Variants in IQANK1 observed in about 807,000 individuals in gnomAD.
IQANK1 encodes the protein IQ motif and ankyrin repeat containing 1.
A neutral mutation model predicts 22.6 loss-of-function variants in IQANK1; 30 were observed. The ratio of observed to expected loss-of-function variants is 1.33; its 90% CI spans 0.99 to 1.80. The LOEUF is 1.80. Ranked by LOEUF, IQANK1 falls within the 40% of genes most tolerant of loss-of-function variation. The probability of loss-of-function intolerance (pLI) is 0.00; values close to 1 mark genes in which losing one functional copy is unlikely to be tolerated. For synonymous variants in IQANK1, 122 were observed against 99.6 expected (o/e 1.23, Z -1.34); for missense variants, 275 against 235.2 (o/e 1.17, Z -1.11).
At chr8:143,739,819 G>T (rs1563766772) in intron 2 of IQANK1, 40 bp from the exon 3 acceptor site, 1 of 678,452 alleles carries the variant, frequency 1.5e-6, no homozygotes, top group Non-Finnish European at 2.7e-6. Context: ...GGGGATGGGG[G>T]TCTCTCATCC....
intron 3 of IQANK1, among the ~76,000 whole-genome samples, chr8:143,749,274 T>A (rs1328604255): frequency 1.6e-5 from 2 of 123,410 alleles, no homozygotes; most frequent in Non-Finnish European, 1.6e-5. Context: ...AATGTATATA[T>A]AAATATATAT....
rs148874861 is a variant in IQANK1 at position 143,739,564 on chromosome 8, CCTT to C, written c.86-292_86-290del. 2.8e-3 allele frequency: 954 copies of C among 335,332 alleles called. 9 individuals are homozygous for C. The highest frequency in any genetic ancestry group is 0.019 in the African/African-American group (894 of 47,076). The allele number at this position is 335,332 out of a possible 1,614,324, so 20.8% of individuals were successfully genotyped here. On this transcript the variant is annotated intron_variant, in intron 2 of 13. Transcript: ENST00000527139. Reference sequence around the variant, plus strand: ...AGGCGGCACTGCCAGCCCACAGGGTCCTTCTAGCAGAGGCACCACCTGCCCATC... The same window carrying C: ...AGGCGGCACTGCCAGCCCACAGGGTCCTAGCAGAGGCACCACCTGCCCATC...
rs1454220394 is a variant in IQANK1 at position 143,788,927 on chromosome 8, GAC to G, written c.806_807del (p.Thr269SerfsTer23). Reference protein sequence around the residue: ...GSTPERVASLDTVVSVLRSWD... With the variant: ...GSTPERVASLXTVVSVLRSWD... ...CGTCTGTCACTAGGTGGCCTCACTG[GAC>G]ACAGTGGTGAGCGTGCTGCGCTCGT... On this transcript the variant is annotated frameshift_variant, in exon 8 of 14. Coordinates refer to ENST00000527139, the MANE Select transcript of IQANK1 (RefSeq NM_001381874.1). LOFTEE classifies it high-confidence loss of function. 1.3e-5 allele frequency: 5 copies of G among 399,026 alleles called. No individual in the cohort carries two copies. The highest frequency in any genetic ancestry group is 6.2e-5 in the African/African-American group (3 of 48,644). 24.7% of individuals were successfully genotyped at this position (399,026 alleles called of 1,614,324 possible).
intron 3 of IQANK1, among the ~76,000 whole-genome samples, chr8:143,749,931 T>C (rs1435015752): frequency 6.6e-6 from 1 of 151,944 alleles, no homozygotes; most frequent in Non-Finnish European, 1.5e-5. Context: ...ATTCTTGCTA[T>C]ATTGAACTTT....
chr8:143,744,994 G>A (rs1226620639), intron 3 of IQANK1: 2 of 151,978 alleles, frequency 1.3e-5, no homozygotes, highest in African/African-American at 2.4e-5. Flanking sequence ...CCATGTTCCC[G>A]TCCTCGAAAA....
At chr8:143,734,756 C>A (rs1454621509) in intron 1 of IQANK1, among the ~76,000 whole-genome samples, 1 of 152,036 alleles carries the variant, frequency 6.6e-6, no homozygotes, top group African/African-American at 2.4e-5. Flanking sequence ...TGTGTACACA[C>A]AGGGACTCTG....
At chr8:143,755,392 T>G (rs1435163434) in intron 3 of IQANK1, among the ~76,000 whole-genome samples, 2 of 151,978 alleles carry the variant, frequency 1.3e-5, no homozygotes, top group Non-Finnish European at 2.9e-5. Flanking sequence ...TAAGACGGAG[T>G]CTTGCTCTGT....
rs1282307142 is a variant in IQANK1 at position 143,771,947 on chromosome 8, C to A, written c.453C>A (p.Ile151=). Reference sequence around the variant, plus strand: ...CCTTCGACGGGGACGTGGGCGAGATCCGGGCGGTGCTGAAGGAGGTCAGCG... The same window carrying A: ...CCTTCGACGGGGACGTGGGCGAGATACGGGCGGTGCTGAAGGAGGTCAGCG... The part of the protein sequence containing the change: ...DAAFDGDVGE[I]RAVLKEVEQL... The change falls in exon 5 of 14, where the codon ATC becomes ATA. Residue 151 remains isoleucine (I), a synonymous_variant. Transcript: ENST00000527139. This position sits in a 1 kb window ranked among gnomAD's most constrained non-coding sequence, Gnocchi z 6.0. 2 of 381,514 alleles carry A rather than the reference C, an allele frequency of 5.2e-6. No homozygotes were observed. Among genetic ancestry groups the A allele is most frequent in the Non-Finnish European group, 9.0e-6 (2 of 221,292 alleles). 23.6% of individuals were successfully genotyped at this position (381,514 alleles called of 1,614,324 possible).
chr8:143,741,887 C>G (rs1220147412), intron 3 of IQANK1: 1 of 165,942 alleles, frequency 6.0e-6, no homozygotes, highest in Non-Finnish European at 1.3e-5. Context: ...GTCTGGTGAT[C>G]TGTAAAGAGG....
In IQANK1 at chr8:143,757,660, T is replaced by A. The variant is rs541892283; in HGVS notation, c.176-13828T>A. Among the ~76,000 whole-genome samples, 124 of 147,198 alleles carry A rather than the reference T, an allele frequency of 8.4e-4. 1 individual carries two copies. The highest frequency in any genetic ancestry group is 3.0e-3 in the African/African-American group (118 of 39,794). ...CCACAATGTGTCTTTCATCTTAAAATTTTTTTTTTTAGAGATGGCGTCTCA... is the reference window on the plus strand; with the variant it reads ...CCACAATGTGTCTTTCATCTTAAAAATTTTTTTTTTAGAGATGGCGTCTCA... On this transcript the variant is annotated intron_variant, in intron 3 of 13. Coordinates refer to ENST00000527139, the MANE Select transcript of IQANK1 (RefSeq NM_001381874.1).
intron 7 of IQANK1, among the ~76,000 whole-genome samples, chr8:143,782,677 A>G (rs534908516): frequency 2.9e-4 from 44 of 152,132 alleles, no homozygotes; most frequent in African/African-American, 1.0e-3. Context: ...GGGTTTCTTC[A>G]TGTTGGACAG....
intron 7 of IQANK1, among the ~76,000 whole-genome samples, chr8:143,777,987 G>A (rs1554630613): frequency 6.6e-6 from 1 of 152,166 alleles, no homozygotes; most frequent in Non-Finnish European, 1.5e-5. Context: ...GAGGTCAGAA[G>A]ATCGAGACCA....
intron 3 of IQANK1, among the ~76,000 whole-genome samples, chr8:143,750,336 C>A (rs1203467657): frequency 3.9e-5 from 6 of 152,110 alleles, no homozygotes; most frequent in Non-Finnish European, 5.9e-5. Flanking sequence ...TGTATTTTGT[C>A]TGATACTAGT....
chr8:143,742,485 A>C, intron 3 of IQANK1: 1 of 455,922 alleles, frequency 2.2e-6, no homozygotes, highest in South Asian at 1.5e-5. Flanking sequence ...GGGCCCCGGG[A>C]CTCGCCTGTG....
rs1554625600 is a variant in IQANK1 at position 143,735,901 on chromosome 8, G to C, written c.48G>C (p.Gln16His). 2.8e-6 allele frequency: 2 copies of C among 702,664 alleles called. No homozygotes were observed. The highest frequency in any genetic ancestry group is 5.2e-6 in the Non-Finnish European group (2 of 384,938). 43.5% of individuals were successfully genotyped at this position (702,664 alleles called of 1,614,324 possible). A position where few individuals can be genotyped will look rare whatever the true frequency, so the allele number is the denominator to read the frequency against. The part of the protein sequence containing the change: ...GRPKAAAGKW[Q>H]TLHPGPKTRA... ...CCAAAGCTGCAGCTGGGAAGTGGCA[G>C]ACGCTCCACCCTGGGCCCAAGACAA... is the stretch of plus-strand genomic sequence containing the variant. The change falls in exon 2 of 14, where the codon CAG becomes CAC. Residue 16 changes from glutamine (Q) to histidine (H), a missense_variant. Coordinates refer to ENST00000527139, the MANE Select transcript of IQANK1 (RefSeq NM_001381874.1). This position sits in a 1 kb window ranked among gnomAD's most constrained non-coding sequence, Gnocchi z 5.2.
At chr8:143,749,222 A>G (rs1317118900) in intron 3 of IQANK1, among the ~76,000 whole-genome samples, 1 of 111,616 alleles carries the variant, frequency 9.0e-6, no homozygotes, top group Non-Finnish European at 1.6e-5. Context: ...TATATCATAT[A>G]TAAATATATA....
intron 3 of IQANK1, among the ~76,000 whole-genome samples, chr8:143,763,310 G>A (rs935229411): frequency 2.0e-5 from 3 of 152,200 alleles, no homozygotes; most frequent in East Asian, 1.9e-4. Flanking sequence ...CACCGTGCCC[G>A]GCCTGGCTTT....
chr8:143,770,695 G>A (rs1819555388), intron 3 of IQANK1, among the ~76,000 whole-genome samples: 1 of 152,222 alleles, frequency 6.6e-6, no homozygotes, highest in African/African-American at 2.4e-5. Context: ...CGCGTGGCCC[G>A]ACAGCCTCGC....
rs1196632017 is a variant in IQANK1 at position 143,735,772 on chromosome 8, C to T, written c.-4-78C>T. 2 of 691,820 alleles carry T rather than the reference C, an allele frequency of 2.9e-6. No individual in the cohort carries two copies. Among genetic ancestry groups the T allele is most frequent in the African/African-American group, 1.8e-5 (1 of 57,080 alleles). 42.9% of individuals were successfully genotyped at this position (691,820 alleles called of 1,614,324 possible). A position where few individuals can be genotyped will look rare whatever the true frequency, so the allele number is the denominator to read the frequency against. On this transcript the variant is annotated intron_variant, in intron 1 of 13. Coordinates refer to ENST00000527139, the MANE Select transcript of IQANK1 (RefSeq NM_001381874.1). The surrounding 1 kb of genome is among the most constrained non-coding windows in gnomAD (Gnocchi z 5.2). ...TCCACTCAGGCGCCCATGGTGTGCCCTGTTCCCCACTGCCACTGCCCCTGC... is the reference window on the plus strand; with the variant it reads ...TCCACTCAGGCGCCCATGGTGTGCCTTGTTCCCCACTGCCACTGCCCCTGC...
Sources: gnomAD v4.1 joint callset for allele counts (sites outside exome capture counted in the v4.1 genomes callset) on GRCh38, gnomAD v4.1.1 for gene constraint, Gnocchi (gnomAD v3.1) non-coding constraint, MANE v1.5 for transcripts, NCBI Gene and HGNC (gene_info 2026-07-23, HGNC 2026-07-21) for gene names.